Variants in DSCAM observed in about 807,000 individuals in gnomAD.
DSCAM encodes the protein DS cell adhesion molecule, also known as cell adhesion molecule DSCAM.
DSCAM carries 47 observed loss-of-function variants against 217.7 expected under a neutral mutation model. The ratio of observed to expected loss-of-function variants is 0.22; its 90% confidence interval spans 0.17 to 0.28. DSCAM has a LOEUF of 0.28. Ranked by LOEUF, DSCAM falls within the 10% of genes least tolerant of loss-of-function variation. The pLI is 1.00. For synonymous variants in DSCAM, 1,056 were observed against 1,015.3 expected (o/e 1.04, Z -0.76); for missense variants, 2,080 against 2,618.3 (o/e 0.79, Z 4.49).
At chr21:40,293,851 C>G (rs1314700219) in intron 10 of DSCAM, among the ~76,000 whole-genome samples, 1 of 152,056 alleles carries the variant, frequency 6.6e-6, no homozygotes, top group Non-Finnish European at 1.5e-5. Flanking sequence ...ATATTAAGCA[C>G]CATATTTGTT....
At chr21:40,241,124 A>C (rs1330535535) in intron 11 of DSCAM, among the ~76,000 whole-genome samples, 1 of 152,198 alleles carries the variant, frequency 6.6e-6, no homozygotes, top group Admixed American at 6.5e-5. Flanking sequence ...CAACAAAAGC[A>C]AAAATTGACA....
At chr21:40,473,546 A>C (rs1042521621) in intron 3 of DSCAM, among the ~76,000 whole-genome samples, 1 of 152,228 alleles carries the variant, frequency 6.6e-6, no homozygotes, top group Non-Finnish European at 1.5e-5. Context: ...GAAATTGGGC[A>C]GCGGTCACCT....
intron 3 of DSCAM, among the ~76,000 whole-genome samples, chr21:40,536,645 A>G (rs2146122499): frequency 6.6e-6 from 1 of 152,218 alleles, no homozygotes. Context: ...TGACCTCGTG[A>G]TCCGCCCGCC....
intron 1 of DSCAM, among the ~76,000 whole-genome samples, chr21:40,803,006 T>G (rs1268842877): frequency 6.6e-6 from 1 of 152,168 alleles, no homozygotes; most frequent in Non-Finnish European, 1.5e-5. Flanking sequence ...ATGGCAGCAC[T>G]TTGGTCTGTT....
At chr21:40,585,684 G>A (rs746553151) in intron 3 of DSCAM, among the ~76,000 whole-genome samples, 2 of 152,176 alleles carry the variant, frequency 1.3e-5, no homozygotes, top group Admixed American at 6.5e-5. Flanking sequence ...TTGATTCCCA[G>A]TGTTGGAGGT....
intron 1 of DSCAM, among the ~76,000 whole-genome samples, chr21:40,838,366 C>T (rs28428859): frequency 0.56 from 84,887 of 152,012 alleles, 26,021 homozygotes; most frequent in African/African-American, 0.82. Flanking sequence ...TCCCAACAGC[C>T]CCCCTCAGCC....
intron 2 of DSCAM, among the ~76,000 whole-genome samples, chr21:40,705,768 C>T (rs1199975783): frequency 5.9e-5 from 9 of 152,132 alleles, no homozygotes; most frequent in South Asian, 4.1e-4. Context: ...GATTTGGGTG[C>T]GGACATAGAG....
At chr21:40,022,108 A>AATGGTTCTTGCT (rs764043503) in intron 32 of DSCAM, among the ~76,000 whole-genome samples, 1 of 152,154 alleles carries the variant, frequency 6.6e-6, no homozygotes, top group East Asian at 1.9e-4. Context: ...ATCATCAAAC[A>AATGGTTCTTGCT]ATGGTTCTTG....
At chr21:40,376,400 A>G (rs1043885829) in intron 3 of DSCAM, among the ~76,000 whole-genome samples, 10 of 146,936 alleles carry the variant, frequency 6.8e-5, no homozygotes, top group African/African-American at 2.2e-4. Context: ...AGATATATAT[A>G]TATCTATATC....
At chr21:40,685,379 C>T (rs1374253739) in intron 3 of DSCAM, among the ~76,000 whole-genome samples, 2 of 152,160 alleles carry the variant, frequency 1.3e-5, no homozygotes, top group Admixed American at 6.5e-5. Context: ...ATAAGCAATA[C>T]AGTTCATGAT....
chr21:40,250,388 T>A (rs1324062996), intron 11 of DSCAM, among the ~76,000 whole-genome samples: 3 of 152,158 alleles, frequency 2.0e-5, no homozygotes, highest in African/African-American at 7.2e-5. Context: ...AGACATAAAG[T>A]AAGAGTGTAT....
chr21:40,414,778 G>T (rs899633501), intron 3 of DSCAM, among the ~76,000 whole-genome samples: 3 of 152,166 alleles, frequency 2.0e-5, no homozygotes, highest in African/African-American at 7.2e-5. Flanking sequence ...ACATGAACCT[G>T]CCTAAGGCAA....
At position 40,365,125 on chromosome 21, in the gene DSCAM, T is replaced by C. The variant is rs150052287; in HGVS notation, c.655+3974A>G. ...AATATTGAGTGTCAACTTAATTGGA[T>C]TGAAGGATGCAAAGTATTGTTCCTG... On this transcript the variant is annotated intron_variant, in intron 4 of 32. Transcript: ENST00000400454. Among the ~76,000 whole-genome samples the C allele has an allele frequency of 8.9e-3, 1,353 of 152,140 alleles. 25 individuals are homozygous for C. Among genetic ancestry groups the C allele is most frequent in the African/African-American group, 0.031 (1,272 of 41,494 alleles).
At chr21:40,040,093 G>A (rs559217804) in intron 32 of DSCAM, among the ~76,000 whole-genome samples, 6 of 152,252 alleles carry the variant, frequency 3.9e-5, no homozygotes, top group Admixed American at 1.3e-4. Context: ...AAGGAGCGAC[G>A]GAAAGGTTTC....
intron 3 of DSCAM, among the ~76,000 whole-genome samples, chr21:40,525,009 CAAAAAAAA>C (rs58427418): frequency 3.6e-5 from 2 of 56,122 alleles, no homozygotes; most frequent in Admixed American, 4.1e-4. Flanking sequence ...GACTCAGTCT[CAAAAAAAA>C]AAAAAAAAAA....
At chr21:40,347,631 GTTCT>G in intron 6 of DSCAM, 35 bp downstream of exon 6, 1 of 1,610,494 alleles carries the variant, frequency 6.2e-7, no homozygotes, top group Non-Finnish European at 8.5e-7. Context: ...CTGGGTTTGG[GTTCT>G]TTTTCAGCCA....
chr21:40,535,261 T>C (rs2076486439), intron 3 of DSCAM, among the ~76,000 whole-genome samples: 1 of 152,250 alleles, frequency 6.6e-6, no homozygotes, highest in Non-Finnish European at 1.5e-5. Flanking sequence ...AAACAAAATG[T>C]TCATTTTCTC....
chr21:40,757,581 G>A (rs990888138), intron 1 of DSCAM, among the ~76,000 whole-genome samples: 1 of 152,170 alleles, frequency 6.6e-6, no homozygotes, highest in African/African-American at 2.4e-5. Context: ...GGCTTCCTGG[G>A]ACATGGGTCC....
At chr21:40,116,787 G>A (rs1238959542) in intron 20 of DSCAM, among the ~76,000 whole-genome samples, 1 of 151,388 alleles carries the variant, frequency 6.6e-6, no homozygotes, top group Non-Finnish European at 1.5e-5. Context: ...CGGATCATGA[G>A]GTCAGGAGAT....
Sources: gnomAD v4.1 joint callset for allele counts (sites outside exome capture counted in the v4.1 genomes callset) on GRCh38, gnomAD v4.1.1 for gene constraint, MANE v1.5 for transcripts, NCBI Gene and HGNC (gene_info 2026-07-23, HGNC 2026-07-21) for gene names.